Variants in EPHA6 observed in about 807,000 individuals in gnomAD.
EPHA6 encodes the protein ephrin type-A receptor 6.
In EPHA6, 50 loss-of-function variants were observed where a neutral mutation model predicts 112.0. The observed-to-expected ratio is 0.45, with a 90% confidence interval of 0.36 to 0.56. EPHA6 has a LOEUF of 0.56. Ranked by LOEUF, EPHA6 falls within the 20% of genes least tolerant of loss-of-function variation. EPHA6 has a pLI of 0.00. For missense variants in EPHA6, 1,280 were observed against 1,417.4 expected (o/e 0.90, Z 1.56); for synonymous variants, 529 against 490.7 (o/e 1.08, Z -1.03).
intron 5 of EPHA6, among the ~76,000 whole-genome samples, chr3:97,283,315 C>T (rs2080351494): frequency 1.3e-5 from 2 of 152,118 alleles, no homozygotes; most frequent in South Asian, 4.2e-4. Flanking sequence ...TATTATCTTG[C>T]ATGCAGTAAG....
intron 2 of EPHA6, among the ~76,000 whole-genome samples, chr3:96,870,832 T>C (rs541137605): frequency 1.3e-5 from 2 of 152,218 alleles, no homozygotes; most frequent in Non-Finnish European, 2.9e-5. Context: ...TGTACTATGA[T>C]AGAGAATGGA....
chr3:97,675,779 A>G (rs182794399), intron 14 of EPHA6, among the ~76,000 whole-genome samples: 1 of 152,214 alleles, frequency 6.6e-6, no homozygotes, highest in Admixed American at 6.5e-5. Context: ...AAAATAGACT[A>G]TCATAGATGT....
chr3:97,709,303 G>A (rs895391394), intron 14 of EPHA6, among the ~76,000 whole-genome samples: 2 of 152,230 alleles, frequency 1.3e-5, no homozygotes, highest in Non-Finnish European at 2.9e-5. Flanking sequence ...GTGAGACATG[G>A]AGTCAAAGGA....
chr3:97,509,634 C>A (rs868425749), intron 10 of EPHA6, among the ~76,000 whole-genome samples: 69 of 152,074 alleles, frequency 4.5e-4, no homozygotes, highest in African/African-American at 1.5e-3. Context: ...TCCTTCATTT[C>A]AACCTTAGTG....
At chr3:97,619,977 G>A (rs1445421482) in intron 13 of EPHA6, among the ~76,000 whole-genome samples, 1 of 152,180 alleles carries the variant, frequency 6.6e-6, no homozygotes, top group East Asian at 1.9e-4. Context: ...TAAGCTAAAA[G>A]AACAAAGCTG....
chr3:96,859,238 G>A (rs2035871825), intron 1 of EPHA6, among the ~76,000 whole-genome samples: 2 of 152,020 alleles, frequency 1.3e-5, no homozygotes, highest in South Asian at 4.2e-4. Flanking sequence ...AATGTCAATG[G>A]ACAAAAGAAT....
chr3:97,361,984 C>G (rs772204444), intron 5 of EPHA6, among the ~76,000 whole-genome samples: 14 of 152,248 alleles, frequency 9.2e-5, no homozygotes, highest in Middle Eastern at 6.8e-3. Context: ...TTTATTCATT[C>G]AGAAAATATT....
intron 3 of EPHA6, among the ~76,000 whole-genome samples, chr3:97,168,828 C>T (rs1054497269): frequency 1.3e-5 from 2 of 151,870 alleles, no homozygotes; most frequent in African/African-American, 2.4e-5. Context: ...AAAATTGGTA[C>T]CAGGAGTGGG....
At chr3:97,154,094 G>T (rs1353360926) in intron 3 of EPHA6, among the ~76,000 whole-genome samples, 1 of 151,346 alleles carries the variant, frequency 6.6e-6, no homozygotes, top group African/African-American at 2.4e-5. Flanking sequence ...AAATCCAGTA[G>T]ATGGAGGTTG....
chr3:97,707,144 T>C (rs1467168327), intron 14 of EPHA6, among the ~76,000 whole-genome samples: 1 of 152,208 alleles, frequency 6.6e-6, no homozygotes, highest in Non-Finnish European at 1.5e-5. Flanking sequence ...AAAGTCAAAA[T>C]GTGATTTCTA....
At chr3:97,561,196 G>T (rs1229874905) in intron 11 of EPHA6, among the ~76,000 whole-genome samples, 3 of 151,936 alleles carry the variant, frequency 2.0e-5, no homozygotes, top group African/African-American at 7.2e-5. Context: ...CAAATGAAAG[G>T]AAGAGTCGCA....
At chr3:97,626,025 A>G (rs2093853776) in intron 13 of EPHA6, among the ~76,000 whole-genome samples, 1 of 151,744 alleles carries the variant, frequency 6.6e-6, no homozygotes. Context: ...AATTTTGAGG[A>G]CAAACTTTCC....
intron 3 of EPHA6, among the ~76,000 whole-genome samples, chr3:97,141,737 T>C (rs1461223924): frequency 6.6e-6 from 1 of 151,544 alleles, no homozygotes; most frequent in Non-Finnish European, 1.5e-5. Flanking sequence ...TACAGAGAAC[T>C]GAAATTAACA....
At chr3:97,659,464 A>G (rs1460123442) in intron 14 of EPHA6, among the ~76,000 whole-genome samples, 2 of 152,006 alleles carry the variant, frequency 1.3e-5, no homozygotes, top group East Asian at 1.9e-4. Flanking sequence ...GAGGGCAACT[A>G]TGATTTCAGA....
intron 3 of EPHA6, among the ~76,000 whole-genome samples, chr3:97,081,574 G>T (rs2046721073): frequency 6.6e-6 from 1 of 151,644 alleles, no homozygotes; most frequent in South Asian, 2.1e-4. Flanking sequence ...TACAGTTCTG[G>T]TGTAAGTATA....
At chr3:97,416,462 G>A (rs1025695437) in intron 6 of EPHA6, among the ~76,000 whole-genome samples, 1 of 152,052 alleles carries the variant, frequency 6.6e-6, no homozygotes, top group Non-Finnish European at 1.5e-5. Context: ...ATTAATAACT[G>A]TGACAAAATG....
rs57565102 is a variant in EPHA6 at position 96,865,694 on chromosome 3, CAAAAAAAAA to C, written c.386-1118_386-1110del. The stretch of plus-strand genomic sequence containing the variant: ...AAGACCTGTCTCTTTAAAAAACAAA[CAAAAAAAAA>C]AAAAAAAAAAAAGGAAAAAGAAATC... On this transcript the variant is annotated intron_variant, in intron 1 of 17. Transcript: ENST00000389672. 6.1e-5 allele frequency among the ~76,000 whole-genome samples: 5 copies of C among 82,016 alleles called. No homozygotes were observed. The East Asian group carries it at 1.4e-3, about 24-fold the overall frequency. The allele number at this position is 82,016 out of a possible 152,430, so 53.8% of individuals were successfully genotyped here. A position where few individuals can be genotyped will look rare whatever the true frequency, so the allele number is the denominator to read the frequency against.
chr3:97,064,356 C>CA (rs2046115683), intron 3 of EPHA6, among the ~76,000 whole-genome samples: 1 of 152,120 alleles, frequency 6.6e-6, no homozygotes, highest in South Asian at 2.1e-4. Context: ...CACCCTCACC[C>CA]AAAAATCCTA....
intron 3 of EPHA6, among the ~76,000 whole-genome samples, chr3:97,052,585 A>G (rs892308788): frequency 6.6e-6 from 1 of 152,116 alleles, no homozygotes; most frequent in Middle Eastern, 3.2e-3. Flanking sequence ...ATGTATGGGA[A>G]AGTAAAGGTG....
Sources: gnomAD v4.1 joint callset for allele counts (sites outside exome capture counted in the v4.1 genomes callset) on GRCh38, gnomAD v4.1.1 for gene constraint, MANE v1.5 for transcripts, NCBI Gene and HGNC (gene_info 2026-07-23, HGNC 2026-07-21) for gene names.